The following CHCHD6 variants were observed in gnomAD, a reference collection of about 807,000 sequenced individuals.
CHCHD6 encodes the protein MICOS complex subunit MIC25.
CHCHD6 carries 28 observed loss-of-function variants against 32.3 expected under a neutral mutation model. The ratio of observed to expected loss-of-function variants is 0.87; its 90% CI spans 0.64 to 1.19. The LOEUF is 1.19. CHCHD6 is among the 50% of genes most tolerant of loss of function. The pLI is 0.00. For missense variants in CHCHD6, 333 were observed against 307.0 expected (o/e 1.08, Z -0.63); for synonymous variants, 122 against 117.5 (o/e 1.04, Z -0.25).
At chr3:126,950,332 G>T (rs1280830269) in intron 6 of CHCHD6, among the ~76,000 whole-genome samples, 1 of 152,214 alleles carries the variant, frequency 6.6e-6, no homozygotes, top group African/African-American at 2.4e-5. Flanking sequence ...TGTCCTACAA[G>T]AAGGGAGGTC....
At chr3:126,918,264 G>T (rs946785185) in intron 6 of CHCHD6, among the ~76,000 whole-genome samples, 2 of 152,182 alleles carry the variant, frequency 1.3e-5, no homozygotes, top group Admixed American at 1.3e-4. Context: ...TAATATTGAG[G>T]AGTTTTCTTC....
At chr3:126,875,535 GGGAAAGAGCT>G (rs1402523626) in intron 5 of CHCHD6, among the ~76,000 whole-genome samples, 2 of 152,226 alleles carry the variant, frequency 1.3e-5, no homozygotes, top group Admixed American at 6.5e-5. Flanking sequence ...AGGGGCAGAG[GGGAAAGAGCT>G]GGAGAGAATT....
intron 4 of CHCHD6, among the ~76,000 whole-genome samples, chr3:126,750,250 T>A (rs1936674553): frequency 6.6e-6 from 1 of 152,182 alleles, no homozygotes; most frequent in Non-Finnish European, 1.5e-5. Flanking sequence ...GCAGGGAATA[T>A]CCCACAGAGT....
chr3:126,810,623 A>G (rs749336946), intron 4 of CHCHD6, among the ~76,000 whole-genome samples: 10 of 152,242 alleles, frequency 6.6e-5, no homozygotes, highest in Non-Finnish European at 8.8e-5. Context: ...CAAGTTTAAT[A>G]GAGTAGTAAA....
At chr3:126,764,191 A>G (rs1459020763) in intron 4 of CHCHD6, among the ~76,000 whole-genome samples, 3 of 126,200 alleles carry the variant, frequency 2.4e-5, no homozygotes, top group Non-Finnish European at 4.8e-5. Flanking sequence ...ATACATACAT[A>G]CATACATGCA....
At chr3:126,767,094 C>T (rs987287171) in intron 4 of CHCHD6, 15 of 1,303,838 alleles carry the variant, frequency 1.2e-5, no homozygotes, top group East Asian at 4.6e-5. Context: ...CGTGCCCGGG[C>T]GATGAACTTC....
intron 1 of CHCHD6, among the ~76,000 whole-genome samples, chr3:126,710,180 C>T (rs896096106): frequency 1.3e-5 from 2 of 152,218 alleles, no homozygotes; most frequent in African/African-American, 2.4e-5. Context: ...TCTTATTTCT[C>T]CAGGCTCTGT....
intron 6 of CHCHD6, among the ~76,000 whole-genome samples, chr3:126,934,444 T>C (rs556365771): frequency 1.3e-4 from 19 of 151,840 alleles, no homozygotes; most frequent in African/African-American, 4.4e-4. Flanking sequence ...GCTGCAGTGT[T>C]CCGGGCACTG....
At chr3:126,748,154 C>T (rs1936580049) in intron 4 of CHCHD6, among the ~76,000 whole-genome samples, 1 of 152,170 alleles carries the variant, frequency 6.6e-6, no homozygotes, top group African/African-American at 2.4e-5. Context: ...CTCAGATATC[C>T]CTGTCTAAAA....
chr3:126,914,013 C>G (rs994144398), intron 5 of CHCHD6, among the ~76,000 whole-genome samples: 1 of 152,212 alleles, frequency 6.6e-6, no homozygotes, highest in Non-Finnish European at 1.5e-5. Context: ...GATCTCAGGA[C>G]AAATTAAGTG....
At position 126,734,065 on chromosome 3, in the gene CHCHD6, C is replaced by T. The variant is rs965153537; in HGVS notation, c.411+843C>T. On this transcript the variant is annotated intron_variant, in intron 4 of 7. Transcript: ENST00000290913. Reference sequence around the variant, plus strand: ...CTCAGTAGAAGAAGAGAGGCTGTGCCGACCCTTGTGTCTCTATCACAGGGA... The same window carrying T: ...CTCAGTAGAAGAAGAGAGGCTGTGCTGACCCTTGTGTCTCTATCACAGGGA... Among the ~76,000 whole-genome samples the T allele has an allele frequency of 2.0e-5, 3 of 152,270 alleles. No homozygotes were observed. In the East Asian group the frequency reaches 5.8e-4, roughly 29 times the overall value.
chr3:126,780,063 A>G (rs1372184944), intron 4 of CHCHD6, among the ~76,000 whole-genome samples: 3 of 152,240 alleles, frequency 2.0e-5, no homozygotes, highest in Non-Finnish European at 2.9e-5. Flanking sequence ...TGTAGTAAGC[A>G]AATCGTATAG....
intron 4 of CHCHD6, among the ~76,000 whole-genome samples, chr3:126,810,031 A>G (rs1939590157): frequency 6.6e-6 from 1 of 152,244 alleles, no homozygotes; most frequent in South Asian, 2.1e-4. Context: ...CATGAACTTT[A>G]TGAAGACCCC....
chr3:126,953,610 C>A (rs749119436), intron 6 of CHCHD6, among the ~76,000 whole-genome samples: 1 of 152,194 alleles, frequency 6.6e-6, no homozygotes, highest in Admixed American at 6.5e-5. Context: ...ATGGGGCAAG[C>A]GGTGTTACTG....
intron 5 of CHCHD6, among the ~76,000 whole-genome samples, chr3:126,908,616 T>G (rs2078039371): frequency 6.6e-6 from 1 of 152,074 alleles, no homozygotes; most frequent in Admixed American, 6.5e-5. Flanking sequence ...CAAAACAAGC[T>G]AAAGTCCCTA....
At chr3:126,723,231 T>C (rs1463277826) in intron 1 of CHCHD6, among the ~76,000 whole-genome samples, 1 of 142,432 alleles carries the variant, frequency 7.0e-6, no homozygotes. Flanking sequence ...ACAGGGACTC[T>C]ATTATTATTA....
chr3:126,744,342 G>A (rs1417163709), intron 4 of CHCHD6, among the ~76,000 whole-genome samples: 2 of 152,228 alleles, frequency 1.3e-5, no homozygotes, highest in Non-Finnish European at 2.9e-5. Context: ...GCCCTCTTGG[G>A]GAGATGCCAT....
At chr3:126,864,959 C>CCATCACCACCTCCAT (rs1274480618) in intron 5 of CHCHD6, among the ~76,000 whole-genome samples, 3 of 150,842 alleles carry the variant, frequency 2.0e-5, no homozygotes, top group Non-Finnish European at 4.5e-5. Context: ...ATCTCCTCCT[C>CCATCACCACCTCCAT]CATCACCACC....
At chr3:126,776,553 G>C (rs1443761321) in intron 4 of CHCHD6, among the ~76,000 whole-genome samples, 1 of 152,080 alleles carries the variant, frequency 6.6e-6, no homozygotes, top group Non-Finnish European at 1.5e-5. Flanking sequence ...CTAAGGATTG[G>C]GACCATGTTT....
Sources: allele counts gnomAD v4.1 joint callset (sites outside exome capture counted in the v4.1 genomes callset), GRCh38; gene constraint gnomAD v4.1.1; transcripts MANE v1.5; gene names NCBI Gene and HGNC (gene_info 2026-07-23, HGNC 2026-07-21).